CCDC146: variants seen among roughly 807,000 people sequenced by gnomAD.
The protein encoded by CCDC146 is coiled-coil domain-containing protein 146.
CCDC146 carries 92 observed loss-of-function variants against 119.3 expected under a neutral mutation model. The observed-to-expected ratio is 0.77, with a 90% CI of 0.65 to 0.92. The LOEUF (loss-of-function observed/expected upper bound fraction) is 0.92, where lower values mean the gene tolerates loss of function less well. Among genes scored for constraint, CCDC146 ranks in the 40% least tolerant of loss-of-function variants. CCDC146 has a pLI of 0.00. For synonymous variants in CCDC146, 372 were observed against 371.8 expected, an observed-to-expected ratio of 1.00 and a Z score of -0.01; for missense variants, 1,000 against 1,103.0, an observed-to-expected ratio of 0.91 and a Z score of 1.32.
Position 77,289,273 on chromosome 7 carries a change from G to A in CCDC146, c.2415+1696G>A, listed in dbSNP as rs550031282. On this transcript the variant is annotated intron_variant, in intron 17 of 18. Coordinates refer to ENST00000285871, the MANE Select transcript of CCDC146 (RefSeq NM_020879.3). ...ACTTATCAAAGCTGATGGCAGAGTCGCCTGGAAGGCAACAGTAATGCTAAA... is the reference window on the plus strand; with the variant it reads ...ACTTATCAAAGCTGATGGCAGAGTCACCTGGAAGGCAACAGTAATGCTAAA... Among the ~76,000 whole-genome samples the A allele has an allele frequency of 9.9e-5, 15 of 152,266 alleles. No individual in the cohort carries two copies. The East Asian group carries it at 2.5e-3, about 25-fold the overall frequency.
intron 15 of CCDC146, among the ~76,000 whole-genome samples, chr7:77,286,425 G>C (rs1473256685): frequency 6.6e-6 from 1 of 152,114 alleles, no homozygotes; most frequent in Non-Finnish European, 1.5e-5. Context: ...TTCAACATGA[G>C]ATTTGGAGGG....
At chr7:77,273,638 G>A in intron 9 of CCDC146, 56 bp from the exon 10 acceptor site, 1 of 1,341,764 alleles carries the variant, frequency 7.5e-7, no homozygotes. Context: ...CTCTGCCTCA[G>A]CCTCCCAAAG....
At chr7:77,242,927 C>T (rs1045065301) in intron 4 of CCDC146, among the ~76,000 whole-genome samples, 1 of 152,088 alleles carries the variant, frequency 6.6e-6, no homozygotes, top group East Asian at 1.9e-4. Flanking sequence ...TCAGTTTAAT[C>T]AAGAGATCCT....
At chr7:77,179,862 TC>T (rs1443404099) in intron 2 of CCDC146, among the ~76,000 whole-genome samples, 1 of 152,174 alleles carries the variant, frequency 6.6e-6, no homozygotes, top group Non-Finnish European at 1.5e-5. Flanking sequence ...ACTCCCCAAT[TC>T]CCCTTTTCTC....
chr7:77,233,980 GT>G (rs149501750), intron 2 of CCDC146, among the ~76,000 whole-genome samples: 2 of 149,380 alleles, frequency 1.3e-5, no homozygotes, highest in South Asian at 2.1e-4. Context: ...ATTCATTTCT[GT>G]TTTTTTTATG....
chr7:77,242,890 G>A (rs925132600), intron 4 of CCDC146, among the ~76,000 whole-genome samples: 1 of 151,634 alleles, frequency 6.6e-6, no homozygotes, highest in African/African-American at 2.4e-5. Context: ...CTGGCGGTGG[G>A]TGGGGGTGGG....
At chr7:77,189,112 G>A (rs67414486) in intron 2 of CCDC146, among the ~76,000 whole-genome samples, 16,682 of 152,082 alleles carry the variant, frequency 0.11, 1,204 homozygotes, top group Non-Finnish European at 0.17. Context: ...ATATTCAAAT[G>A]CCTATATCCA....
At chr7:77,206,666 T>TAC (rs1216221771) in intron 2 of CCDC146, among the ~76,000 whole-genome samples, 3 of 134,510 alleles carry the variant, frequency 2.2e-5, no homozygotes, top group African/African-American at 8.3e-5. Context: ...TATATATATA[T>TAC]ATATATACAC....
chr7:77,294,068 A>G (rs372102330), intron 18 of CCDC146, among the ~76,000 whole-genome samples: 9 of 152,098 alleles, frequency 5.9e-5, no homozygotes, highest in Admixed American at 3.9e-4. Context: ...TGATTACTCT[A>G]TTTTCCAGAG....
In CCDC146 at chr7:77,133,392, C is replaced by A. The variant is rs1165691727; in HGVS notation, c.-12+10660C>A. Among the ~76,000 whole-genome samples the A allele has an allele frequency of 3.9e-5, 6 of 152,028 alleles. No individual in the cohort carries two copies. In the East Asian group the frequency reaches 1.2e-3, roughly 29 times the overall value. On this transcript the variant is annotated intron_variant, in intron 1 of 18. Transcript: ENST00000285871. ...TTGAGACGGAGTCTCACTTTGTTGC[C>A]CAGGCTGGGGTGCAGTGGTGTGATC...
chr7:77,190,051 C>T (rs1037031990), intron 2 of CCDC146, among the ~76,000 whole-genome samples: 3 of 152,200 alleles, frequency 2.0e-5, no homozygotes, highest in Admixed American at 6.5e-5. Context: ...TGATAAATCT[C>T]CAGCCTCCTA....
chr7:77,220,984 C>A (rs1792393190), intron 2 of CCDC146, among the ~76,000 whole-genome samples: 1 of 152,118 alleles, frequency 6.6e-6, no homozygotes, highest in Admixed American at 6.6e-5. Flanking sequence ...TCTGGGAAGA[C>A]CTCAGGGAGC....
chr7:77,237,004 A>C lies in CCDC146; in HGVS notation c.214A>C (p.Thr72Pro). 1 of 1,614,102 alleles carries C rather than the reference A, an allele frequency of 6.2e-7. No homozygotes were observed. Among genetic ancestry groups the C allele is most frequent in the Non-Finnish European group, 8.5e-7 (1 of 1,179,914 alleles). Residue 72 changes from threonine to proline, a missense_variant, in exon 3 of 19, where the codon ACC (threonine) becomes CCC (proline). Thr to Pro is a conservative substitution (Grantham distance 38). This residue lies in a region of CCDC146 where 985 missense variants were observed against 1,045.3 expected (regional missense o/e 0.94). Coordinates refer to ENST00000285871, the MANE Select transcript of CCDC146 (RefSeq NM_020879.3). Reference protein sequence around the residue: ...TRMAALKAKYTLLHDAVMSTQ... With the variant: ...TRMAALKAKYPLLHDAVMSTQ... ...AATGGCAGCGTTAAAAGCCAAGTAT[A>C]CCTTGCTGCATGACGCCGTGATGAG... is the stretch of plus-strand genomic sequence containing the variant.
chr7:77,214,689 C>T (rs1040501298), intron 2 of CCDC146, among the ~76,000 whole-genome samples: 2 of 151,938 alleles, frequency 1.3e-5, no homozygotes, highest in African/African-American at 2.4e-5. Flanking sequence ...TTGAGTAGGA[C>T]GTCCTTTCCC....
At chr7:77,142,070 A>G (rs1381027347) in intron 1 of CCDC146, among the ~76,000 whole-genome samples, 1 of 152,070 alleles carries the variant, frequency 6.6e-6, no homozygotes, top group East Asian at 1.9e-4. Flanking sequence ...TGTATCTCAA[A>G]ATAATAAGAG....
chr7:77,214,672 C>A (rs1043979836), intron 2 of CCDC146, among the ~76,000 whole-genome samples: 1 of 152,106 alleles, frequency 6.6e-6, no homozygotes, highest in Non-Finnish European at 1.5e-5. Flanking sequence ...TTTCCAGTAC[C>A]ATTTTTTTGA....
chr7:77,165,866 T>C (rs1791331188), intron 1 of CCDC146, among the ~76,000 whole-genome samples: 1 of 152,284 alleles, frequency 6.6e-6, no homozygotes, highest in Admixed American at 6.5e-5. Context: ...TTAGAATTCT[T>C]CAAAGAGTTT....
chr7:77,289,890 G>A (rs1040171352), intron 17 of CCDC146, among the ~76,000 whole-genome samples: 14 of 152,212 alleles, frequency 9.2e-5, no homozygotes, highest in Non-Finnish European at 1.9e-4. Flanking sequence ...TCCCATTACT[G>A]GGTATATACC....
intron 2 of CCDC146, among the ~76,000 whole-genome samples, chr7:77,227,004 TTTAG>T (rs1792527576): frequency 6.6e-6 from 1 of 152,038 alleles, no homozygotes; most frequent in South Asian, 2.1e-4. Context: ...TTCTCCACAG[TTTAG>T]TTTTTTTAAG....
Sources: allele counts gnomAD v4.1 joint callset (sites outside exome capture counted in the v4.1 genomes callset), GRCh38; gene constraint gnomAD v4.1.1; regional missense constraint gnomAD v4.1.1; transcripts MANE v1.5; gene names NCBI Gene and HGNC (gene_info 2026-07-23, HGNC 2026-07-21).